The following IQCJ variants were observed in gnomAD, a reference collection of about 807,000 sequenced individuals.
The protein encoded by IQCJ is IQ domain-containing protein J.
Under a neutral mutation model 11.0 loss-of-function variants are expected in IQCJ, and 9 were observed. The observed-to-expected ratio is 0.82, with a 90% CI of 0.49 to 1.43. The LOEUF (loss-of-function observed/expected upper bound fraction) is 1.43, where lower values mean the gene tolerates loss of function less well. Among genes scored for constraint, IQCJ ranks in the 40% most tolerant of loss-of-function variants. The pLI, the probability that IQCJ is intolerant of heterozygous loss-of-function variation, is 0.00. For missense variants in IQCJ, 146 were observed against 133.2 expected, an observed-to-expected ratio of 1.10 and a Z score of -0.47; for synonymous variants, 55 against 51.3, an observed-to-expected ratio of 1.07 and a Z score of -0.31.
At chr3:159,264,253 T>G (rs746521373), downstream of IQCJ, among the ~76,000 whole-genome samples, 2 of 152,240 alleles carry the variant, frequency 1.3e-5, no homozygotes, top group Non-Finnish European at 2.9e-5. Flanking sequence ...CTTTCGGTTT[T>G]ATTGGACTCC....
At chr3:159,193,354 G>C (rs1479344451) in intron 1 of IQCJ, among the ~76,000 whole-genome samples, 1 of 152,156 alleles carries the variant, frequency 6.6e-6, no homozygotes, top group Non-Finnish European at 1.5e-5. Context: ...GCCTTGAAAG[G>C]TGTTATTTCC....
Position 159,178,049 on chromosome 3 carries a change from C to G in IQCJ, c.10-67794C>G, listed in dbSNP as rs186055539. On this transcript the variant is annotated intron_variant, in intron 1 of 3. Transcript: ENST00000397832. Reference sequence around the variant, plus strand: ...GAACATTTTTATAACTCGCTCTTCTCTGAAGCAAAGCAAATATAGTTCTAA... The same window carrying G: ...GAACATTTTTATAACTCGCTCTTCTGTGAAGCAAAGCAAATATAGTTCTAA... Among the ~76,000 whole-genome samples, 77 of 152,306 alleles carry G rather than the reference C, an allele frequency of 5.1e-4. 1 individual carries two copies. In the East Asian group the frequency reaches 0.013, roughly 27 times the overall value.
At chr3:159,125,864 G>A (rs17726466) in intron 1 of IQCJ, among the ~76,000 whole-genome samples, 49,980 of 152,102 alleles carry the variant, frequency 0.33, 8,551 homozygotes, top group Non-Finnish European at 0.39. Context: ...TAGGAGCAGA[G>A]TCACAGGTGT....
At position 159,263,093 on chromosome 3, in the gene IQCJ, C is replaced by T; in HGVS notation, c.*362C>T. ...TTACCAGAAGAATTGAAAGTGGTCACACACTCAGGGGTTGCAACTTAAATG... is the reference window on the plus strand; with the variant it reads ...TTACCAGAAGAATTGAAAGTGGTCATACACTCAGGGGTTGCAACTTAAATG... On this transcript the variant is annotated 3_prime_UTR_variant, in exon 4 of 4. Coordinates refer to ENST00000397832, the MANE Select transcript of IQCJ (RefSeq NM_001042706.3). The T allele has an allele frequency of 1.0e-6, 1 of 994,746 alleles. No individual in the cohort carries two copies. The highest frequency in any genetic ancestry group is 5.6e-5 in the Admixed American group (1 of 17,862). 61.6% of individuals were successfully genotyped at this position (994,746 alleles called of 1,614,324 possible).
chr3:159,264,698 G>A (rs1351219312), downstream of IQCJ, among the ~76,000 whole-genome samples: 1 of 152,128 alleles, frequency 6.6e-6, no homozygotes, highest in Non-Finnish European at 1.5e-5. Flanking sequence ...GATCGCTTGA[G>A]GTCAGGAGTT....
chr3:159,114,554 A>AC (rs10707735), intron 1 of IQCJ, among the ~76,000 whole-genome samples: 105 of 151,434 alleles, frequency 6.9e-4, no homozygotes, highest in Admixed American at 9.2e-4. Context: ...CCAGTGATCC[A>AC]CCCCCCCTCG....
intron 2 of IQCJ, among the ~76,000 whole-genome samples, chr3:159,250,049 T>C (rs1560042673): frequency 6.6e-6 from 1 of 152,250 alleles, no homozygotes; most frequent in Non-Finnish European, 1.5e-5. Context: ...AGTAAGACCT[T>C]AGGCTGACTG....
intron 1 of IQCJ, among the ~76,000 whole-genome samples, chr3:159,203,700 G>A (rs1724485944): frequency 6.6e-6 from 1 of 152,066 alleles, no homozygotes; most frequent in South Asian, 2.1e-4. Context: ...GAGACAGAGG[G>A]ATTGAGCAAG....
At position 159,069,536 on chromosome 3, in the gene IQCJ, A is replaced by G. The variant is rs551024544; in HGVS notation, c.9+95A>G. 18 of 1,508,352 alleles carry G rather than the reference A, an allele frequency of 1.2e-5. No individual in the cohort carries two copies. In the South Asian group the frequency reaches 1.6e-4, roughly 13 times the overall value. 93.4% of individuals were successfully genotyped at this position (1,508,352 alleles called of 1,614,324 possible). A position where few individuals can be genotyped will look rare whatever the true frequency, so the allele number is the denominator to read the frequency against. ...AAATCTGTCTTCTGAATTAACATGT[A>G]TGCAAAAAATGTCAAAAAGAGCTTA... On this transcript the variant is annotated intron_variant, in intron 1 of 3. Coordinates refer to ENST00000397832, the MANE Select transcript of IQCJ (RefSeq NM_001042706.3).
intron 1 of IQCJ, among the ~76,000 whole-genome samples, chr3:159,209,726 G>A (rs902536509): frequency 6.6e-6 from 1 of 152,112 alleles, no homozygotes; most frequent in South Asian, 2.1e-4. Flanking sequence ...CCTCCCACAA[G>A]GGGTTTGAGC....
chr3:159,147,832 G>A lies in IQCJ; in HGVS notation c.9+78391G>A, dbSNP rs572698730. 3.7e-4 allele frequency among the ~76,000 whole-genome samples: 56 copies of A among 152,252 alleles called. 1 individual carries two copies. The highest frequency in any genetic ancestry group is 3.6e-3 in the Admixed American group (55 of 15,288). On this transcript the variant is annotated intron_variant, in intron 1 of 3. Transcript: ENST00000397832. ...TCTCTCTTTGAAACTTACTAAAAGAGGAATGACAAAGTTTTCAAGGATACT... is the reference window on the plus strand; with the variant it reads ...TCTCTCTTTGAAACTTACTAAAAGAAGAATGACAAAGTTTTCAAGGATACT...
chr3:159,173,027 T>A lies in IQCJ; in HGVS notation c.10-72816T>A, dbSNP rs1321726180. 2.0e-5 allele frequency among the ~76,000 whole-genome samples: 3 copies of A among 152,190 alleles called. No homozygotes were observed. In the East Asian group the frequency reaches 5.8e-4, roughly 29 times the overall value. On this transcript the variant is annotated intron_variant, in intron 1 of 3. Transcript: ENST00000397832. The stretch of plus-strand genomic sequence containing the variant: ...GACTGGAAATATTATTTCAGGAGAT[T>A]GCTCACTGTAAGTAAAATAGATCTA...
intron 1 of IQCJ, among the ~76,000 whole-genome samples, chr3:159,112,067 T>C (rs1407543715): frequency 6.6e-6 from 1 of 152,178 alleles, no homozygotes; most frequent in African/African-American, 2.4e-5. Context: ...CGTGACCAAA[T>C]AGCCTCTTGT....
At chr3:159,074,600 G>T (rs1389201071) in intron 1 of IQCJ, among the ~76,000 whole-genome samples, 4 of 151,894 alleles carry the variant, frequency 2.6e-5, no homozygotes, top group Non-Finnish European at 5.9e-5. Flanking sequence ...CTCAAATTTT[G>T]CCTGATTTTC....
chr3:159,227,706 C>A (rs1409343786), intron 1 of IQCJ, among the ~76,000 whole-genome samples: 2 of 152,110 alleles, frequency 1.3e-5, no homozygotes, highest in South Asian at 2.1e-4. Context: ...GAGGATTATT[C>A]CAGAGTTCTA....
intron 1 of IQCJ, among the ~76,000 whole-genome samples, chr3:159,160,513 AT>A (rs1259457455): frequency 1.3e-5 from 2 of 151,072 alleles, no homozygotes; most frequent in Non-Finnish European, 3.0e-5. Flanking sequence ...TTATATTTTT[AT>A]TTTTTTATTT....
intron 1 of IQCJ, among the ~76,000 whole-genome samples, chr3:159,134,623 C>CT (rs1720183192): frequency 6.6e-6 from 1 of 152,148 alleles, no homozygotes; most frequent in South Asian, 2.1e-4. Flanking sequence ...TCCTGGGACT[C>CT]TCAGCAGATG....
At chr3:159,263,875 TA>T, downstream of IQCJ, 1 of 937,326 alleles carries the variant, frequency 1.1e-6, no homozygotes, top group Non-Finnish European at 1.3e-6. Flanking sequence ...CTTCACTTTT[TA>T]AAACAATTAT....
intron 1 of IQCJ, among the ~76,000 whole-genome samples, chr3:159,143,585 G>T (rs1310492649): frequency 6.6e-6 from 1 of 152,218 alleles, no homozygotes; most frequent in Non-Finnish European, 1.5e-5. Context: ...AGCAGACAAG[G>T]ATTGGGCAGG....
Sources: allele counts gnomAD v4.1 joint callset (sites outside exome capture counted in the v4.1 genomes callset), GRCh38; gene constraint gnomAD v4.1.1; transcripts MANE v1.5; gene names NCBI Gene and HGNC (gene_info 2026-07-23, HGNC 2026-07-21).